DDX24: variants seen among roughly 807,000 people sequenced by gnomAD.
DDX24 encodes DEAD-box helicase 24, also known as ATP-dependent RNA helicase DDX24.
A neutral mutation model predicts 68.9 loss-of-function variants in DDX24; 24 were observed. That is an observed-to-expected ratio of 0.35 (90% CI 0.25 to 0.49). DDX24 has a LOEUF of 0.49. Ranked by LOEUF, DDX24 falls within the 20% of genes least tolerant of loss-of-function variation. The pLI, the probability that DDX24 is intolerant of heterozygous loss-of-function variation, is 0.99. For synonymous variants in DDX24, 395 were observed against 385.2 expected (o/e 1.03, Z -0.30); for missense variants, 989 against 1,039.0 (o/e 0.95, Z 0.66).
At chr14:94,060,050 C>T (rs376101978) in intron 5 of DDX24, 48 bp downstream of exon 5, 1 of 1,550,744 alleles carries the variant, frequency 6.4e-7, no homozygotes, top group Non-Finnish European at 8.7e-7. Context: ...CCCCTTTTAC[C>T]CCAGTAACTA....
At chr14:94,055,271 TC>T in intron 6 of DDX24, 87 bp from the exon 7 acceptor site, 2 of 1,388,588 alleles carry the variant, frequency 1.4e-6, no homozygotes, top group South Asian at 2.7e-5. Flanking sequence ...AACCAGACCC[TC>T]CTACCTCCCA....
intron 3 of DDX24, 131 bp from the exon 4 acceptor site, chr14:94,061,197 G>T: frequency 9.3e-7 from 1 of 1,071,840 alleles, no homozygotes; most frequent in Non-Finnish European, 1.4e-6. Flanking sequence ...ATTGCTAAAA[G>T]AGCAGGCCTG....
chr14:94,061,114 T>C, intron 3 of DDX24, 48 bp from the exon 4 acceptor site: 1 of 1,602,366 alleles, frequency 6.2e-7, no homozygotes, highest in African/African-American at 1.3e-5. Context: ...TGGGTGATCA[T>C]TTTCTTACAT....
intron 2 of DDX24, among the ~76,000 whole-genome samples, chr14:94,077,411 C>T (rs1303634899): frequency 6.6e-6 from 1 of 152,208 alleles, no homozygotes; most frequent in Non-Finnish European, 1.5e-5. Flanking sequence ...CTGCCTTCCA[C>T]GGACTTACTT....
At chr14:94,057,704 G>A in intron 6 of DDX24, 118 bp downstream of exon 6, 1 of 905,722 alleles carries the variant, frequency 1.1e-6, no homozygotes. Flanking sequence ...CGATGCCAGT[G>A]GTATTCTCTG....
At chr14:94,066,203 T>G (rs574186095) in intron 2 of DDX24, among the ~76,000 whole-genome samples, 53 of 152,156 alleles carry the variant, frequency 3.5e-4, no homozygotes, top group African/African-American at 1.3e-3. Context: ...GGGAGCTGGG[T>G]GAGGCCCATG....
intron 2 of DDX24, among the ~76,000 whole-genome samples, chr14:94,067,228 A>C (rs1034771692): frequency 2.0e-5 from 3 of 152,066 alleles, no homozygotes; most frequent in Admixed American, 6.5e-5. Flanking sequence ...AACAAGTAGA[A>C]GAAAGAAATT....
In DDX24 at chr14:94,080,714, C is replaced by CAA. The variant is rs201658346; in HGVS notation, c.-6+403_-6+404dup. 7.8e-3 allele frequency among the ~76,000 whole-genome samples: 1,166 copies of CAA among 149,550 alleles called. 19 individuals are homozygous for CAA. Among genetic ancestry groups the CAA allele is most frequent in the African/African-American group, 0.027 (1,081 of 40,480 alleles). ...CCACGGCAAAAAAACAAAAAACAAA[C>CAA]AAAAAAAAACACAAAGAAACACGCG... On this transcript the variant is annotated intron_variant, in intron 1 of 8. Transcript: ENST00000621632.
In DDX24 at chr14:94,050,566, GACTGTT is replaced by G. The variant is rs1203091637; in HGVS notation, c.*619_*624del. On this transcript the variant is annotated 3_prime_UTR_variant, in exon 9 of 9. Transcript: ENST00000621632. Reference sequence around the variant, plus strand: ...GAGGGCTTCACACGCCAGACCTAGCGACTGTTACTGTTGGCTCTGTGATGTGAGGGA... The same window carrying G: ...GAGGGCTTCACACGCCAGACCTAGCGACTGTTGGCTCTGTGATGTGAGGGA... 2.0e-5 allele frequency: 3 copies of G among 152,278 alleles called. No homozygotes were observed. Among genetic ancestry groups the G allele is most frequent in the Admixed American group, 6.5e-5 (1 of 15,274 alleles). 9.4% of individuals were successfully genotyped at this position (152,278 alleles called of 1,614,324 possible).
intron 2 of DDX24, among the ~76,000 whole-genome samples, chr14:94,068,057 T>C (rs979065622): frequency 6.6e-6 from 1 of 152,124 alleles, no homozygotes; most frequent in Admixed American, 6.5e-5. Flanking sequence ...ACTTAAAAGA[T>C]AAAGAACTGC....
chr14:94,058,491 C>T (rs146190989), intron 5 of DDX24, among the ~76,000 whole-genome samples: 2,658 of 152,316 alleles, frequency 0.017, 24 homozygotes, highest in Non-Finnish European at 0.028. Context: ...TGTGGGCTTA[C>T]TTTGCAATTT....
rs1484454500 is a variant in DDX24 at position 94,081,170 on chromosome 14, A to C, written c.-57T>G. 2.0e-5 allele frequency: 3 copies of C among 152,272 alleles called. No homozygotes were observed. Among genetic ancestry groups the C allele is most frequent in the Non-Finnish European group, 4.4e-5 (3 of 68,090 alleles). The allele number at this position is 152,272 out of a possible 1,614,324, so 9.4% of individuals were successfully genotyped here. A position where few individuals can be genotyped will look rare whatever the true frequency, so the allele number is the denominator to read the frequency against. On this transcript the variant is annotated 5_prime_UTR_variant, in exon 1 of 9. Coordinates refer to ENST00000621632, the MANE Select transcript of DDX24 (RefSeq NM_020414.4). ...TCAGTCGCGAGTGAAGAACCTCAGA[A>C]ACCGCCGCTGTACCTCAGCTGCAGC...
At chr14:94,055,211 A>C in intron 6 of DDX24, 27 bp from the exon 7 acceptor site, 1 of 1,602,572 alleles carries the variant, frequency 6.2e-7, no homozygotes, top group East Asian at 2.2e-5. Context: ...TGGGAGATCA[A>C]TACATGGCCA....
chr14:94,070,426 G>A (rs1054308888), intron 2 of DDX24, among the ~76,000 whole-genome samples: 1 of 152,148 alleles, frequency 6.6e-6, no homozygotes, highest in African/African-American at 2.4e-5. Flanking sequence ...TTGTGAAAAT[G>A]ACTGTTGCCA....
At position 94,079,022 on chromosome 14, in the gene DDX24, T is replaced by A. The variant is rs770001053; in HGVS notation, c.718+3A>T. On this transcript the variant is annotated splice_donor_region_variant and intron_variant, in intron 2 of 8. Transcript: ENST00000621632. ...ATCCTGCTTTGGCCAGAGTTGCCCT[T>A]ACCTGTCTCAGCAGCCCCAAGGATG... 6.2e-7 allele frequency: 1 copy of A among 1,611,142 alleles called. No individual in the cohort carries two copies. Among genetic ancestry groups the A allele is most frequent in the Non-Finnish European group, 8.5e-7 (1 of 1,178,120 alleles).
intron 2 of DDX24, among the ~76,000 whole-genome samples, chr14:94,075,455 A>C (rs1283767338): frequency 6.6e-6 from 1 of 152,082 alleles, no homozygotes; most frequent in Non-Finnish European, 1.5e-5. Flanking sequence ...ATGCAGAAAA[A>C]CCCACAAACT....
chr14:94,077,976 C>T (rs1482156336), intron 2 of DDX24, among the ~76,000 whole-genome samples: 2 of 151,872 alleles, frequency 1.3e-5, no homozygotes, highest in Non-Finnish European at 2.9e-5. Context: ...TATACAGTCA[C>T]CCTTCTGTAA....
At chr14:94,075,154 G>T (rs957666288) in intron 2 of DDX24, among the ~76,000 whole-genome samples, 9 of 151,952 alleles carry the variant, frequency 5.9e-5, no homozygotes, top group Non-Finnish European at 1.3e-4. Flanking sequence ...CTGATATAAC[G>T]GATTCTAAAA....
intron 2 of DDX24, among the ~76,000 whole-genome samples, chr14:94,071,689 TA>T (rs1457377038): frequency 6.6e-6 from 1 of 151,776 alleles, no homozygotes; most frequent in Non-Finnish European, 1.5e-5. Context: ...CTCACACCTG[TA>T]ATCCCAGCAC....
Sources: gnomAD v4.1 joint callset for allele counts (sites outside exome capture counted in the v4.1 genomes callset) on GRCh38, gnomAD v4.1.1 for gene constraint, MANE v1.5 for transcripts, NCBI Gene and HGNC (gene_info 2026-07-23, HGNC 2026-07-21) for gene names.